The following EPC2 variants were observed in gnomAD, a reference collection of about 807,000 sequenced individuals.
EPC2 encodes enhancer of polycomb homolog 2.
In EPC2, 14 loss-of-function variants were observed where a neutral mutation model predicts 92.1. The ratio of observed to expected loss-of-function variants is 0.15; its 90% confidence interval spans 0.10 to 0.24. The LOEUF is 0.24. Ranked by LOEUF, EPC2 falls within the 10% of genes least tolerant of loss-of-function variation. EPC2 has a pLI of 1.00. For missense variants in EPC2, 755 were observed against 971.5 expected (o/e 0.78, Z 2.96); for synonymous variants, 340 against 334.7 (o/e 1.02, Z -0.17).
At chr2:148,664,097 G>A (rs1681011805) in intron 1 of EPC2, among the ~76,000 whole-genome samples, 1 of 152,114 alleles carries the variant, frequency 6.6e-6, no homozygotes. Flanking sequence ...TCTTAGTATA[G>A]GCATACTGTT....
intron 10 of EPC2, among the ~76,000 whole-genome samples, chr2:148,776,435 ATCTT>A (rs1683646769): frequency 1.3e-5 from 2 of 152,088 alleles, no homozygotes. Context: ...AACCCCCCTT[ATCTT>A]TCCTCTCCCC....
At chr2:148,779,187 A>G (rs1403112791) in intron 10 of EPC2, among the ~76,000 whole-genome samples, 1 of 152,216 alleles carries the variant, frequency 6.6e-6, no homozygotes, top group East Asian at 1.9e-4. Context: ...TATGTACACA[A>G]ATGATCATGG....
At chr2:148,767,861 G>A (rs530407216) in intron 7 of EPC2, among the ~76,000 whole-genome samples, 1 of 152,180 alleles carries the variant, frequency 6.6e-6, no homozygotes, top group Admixed American at 6.5e-5. Flanking sequence ...CTGAGACTTT[G>A]TGACACTTCC....
chr2:148,690,144 C>CT, intron 1 of EPC2, 70 bp from the exon 2 acceptor site: 1 of 1,402,862 alleles, frequency 7.1e-7, no homozygotes, highest in South Asian at 1.6e-5. Context: ...AACAAAGTAA[C>CT]TTTTATATAA....
intron 2 of EPC2, among the ~76,000 whole-genome samples, chr2:148,728,929 G>A (rs1682559288): frequency 6.6e-6 from 1 of 151,098 alleles, no homozygotes. Flanking sequence ...CTACTCGGGA[G>A]GCTGAGGCAG....
intron 1 of EPC2, among the ~76,000 whole-genome samples, chr2:148,664,833 T>C (rs969045784): frequency 1.3e-5 from 2 of 152,256 alleles, no homozygotes; most frequent in Admixed American, 1.3e-4. Flanking sequence ...CACTCCATTT[T>C]GTTGCTGAAT....
intron 2 of EPC2, among the ~76,000 whole-genome samples, chr2:148,732,024 C>T (rs922131515): frequency 3.9e-5 from 6 of 152,124 alleles, no homozygotes; most frequent in Non-Finnish European, 7.3e-5. Flanking sequence ...AAAGCTACCA[C>T]AGGGAATTTG....
intron 2 of EPC2, among the ~76,000 whole-genome samples, chr2:148,705,812 A>C (rs887582944): frequency 6.6e-6 from 1 of 152,068 alleles, no homozygotes; most frequent in African/African-American, 2.4e-5. Flanking sequence ...AACATCAACC[A>C]AAAGGACATC....
Position 148,671,557 on chromosome 2 carries a change from C to T in EPC2, c.154-18657C>T, listed in dbSNP as rs558369786. Among the ~76,000 whole-genome samples the T allele has an allele frequency of 2.0e-5, 3 of 152,072 alleles. No homozygotes were observed. The East Asian group carries it at 5.8e-4, about 29-fold the overall frequency. On this transcript the variant is annotated intron_variant, in intron 1 of 13. Coordinates refer to ENST00000258484, the MANE Select transcript of EPC2 (RefSeq NM_015630.4). Reference sequence around the variant, plus strand: ...TGAACCTGGGAGGTGGGGGTTTCAGCGAGCTGAGATTGTGCCACTGCATTC... The same window carrying T: ...TGAACCTGGGAGGTGGGGGTTTCAGTGAGCTGAGATTGTGCCACTGCATTC...
chr2:148,645,510 C>G (rs143744350), intron 1 of EPC2: 95 of 266,056 alleles, frequency 3.6e-4, no homozygotes, highest in African/African-American at 2.0e-3. Context: ...CTCCCTCTCT[C>G]AGGCGCGGGG....
intron 7 of EPC2, among the ~76,000 whole-genome samples, chr2:148,766,119 A>T (rs1683403698): frequency 6.6e-6 from 1 of 152,214 alleles, no homozygotes; most frequent in African/African-American, 2.4e-5. Flanking sequence ...CCTCTTTTTA[A>T]AAATAGTATG....
At chr2:148,782,471 AG>A (rs1228814260) in intron 11 of EPC2, among the ~76,000 whole-genome samples, 2 of 151,964 alleles carry the variant, frequency 1.3e-5, no homozygotes, top group African/African-American at 4.8e-5. Context: ...CTGAAGGTGG[AG>A]GTTTCAGTGA....
At chr2:148,775,658 A>AAATTAAATTAAATTTAATTT (rs1553451006) in intron 10 of EPC2, among the ~76,000 whole-genome samples, 2 of 138,594 alleles carry the variant, frequency 1.4e-5, no homozygotes, top group Admixed American at 7.2e-5. Flanking sequence ...TCTTTAAATA[A>AAATTAAATTAAATTTAATTT]AATTAAATAA....
At chr2:148,670,526 C>T (rs905900942) in intron 1 of EPC2, among the ~76,000 whole-genome samples, 5 of 152,156 alleles carry the variant, frequency 3.3e-5, no homozygotes, top group African/African-American at 1.2e-4. Flanking sequence ...GGTTCATTTA[C>T]AAGATAGGAT....
At chr2:148,670,494 A>T (rs1681134818) in intron 1 of EPC2, among the ~76,000 whole-genome samples, 1 of 152,174 alleles carries the variant, frequency 6.6e-6, no homozygotes, top group Non-Finnish European at 1.5e-5. Context: ...GCCCCAAAAG[A>T]AACCTCTTAC....
intron 3 of EPC2, among the ~76,000 whole-genome samples, chr2:148,749,227 G>A (rs774212510): frequency 6.6e-6 from 1 of 152,072 alleles, no homozygotes; most frequent in South Asian, 2.1e-4. Context: ...TCCTCATGCC[G>A]GTGGTGTTCA....
chr2:148,777,665 T>A (rs1683672866), intron 10 of EPC2, among the ~76,000 whole-genome samples: 1 of 152,092 alleles, frequency 6.6e-6, no homozygotes, highest in African/African-American at 2.4e-5. Context: ...TTTTAGTTGA[T>A]CACTAAAAAG....
chr2:148,657,578 C>A (rs1680828677), intron 1 of EPC2, among the ~76,000 whole-genome samples: 1 of 151,774 alleles, frequency 6.6e-6, no homozygotes. Context: ...TGTCCAAGGA[C>A]CCAACTTTGA....
At position 148,754,034 on chromosome 2, in the gene EPC2, C is replaced by T. The variant is rs1270962953; in HGVS notation, c.567C>T (p.Ser189=). The T allele has an allele frequency of 3.1e-6, 5 of 1,611,284 alleles. No individual in the cohort carries two copies. The African/African-American group carries it at 4.0e-5, about 13-fold the overall frequency. Reference sequence around the variant, plus strand: ...AACGTAAAAACTGCAGGGGGCCATCCCTCATTCCTCAGATAAAACAAGAGA... The same window carrying T: ...AACGTAAAAACTGCAGGGGGCCATCTCTCATTCCTCAGATAAAACAAGAGA... ...VRKRKNCRGP[S]LIPQIKQEKR... The change falls in exon 4 of 14, where the codon TCC becomes TCT. Residue 189 remains serine, a synonymous_variant. Coordinates refer to ENST00000258484, the MANE Select transcript of EPC2 (RefSeq NM_015630.4).
Sources: allele counts gnomAD v4.1 joint callset (sites outside exome capture counted in the v4.1 genomes callset), GRCh38; gene constraint gnomAD v4.1.1; transcripts MANE v1.5; gene names NCBI Gene and HGNC (gene_info 2026-07-23, HGNC 2026-07-21).